The following PTCRA variants were observed in gnomAD, a reference collection of about 807,000 sequenced individuals.
PTCRA encodes the protein pre T-cell antigen receptor alpha.
A neutral mutation model predicts 13.4 loss-of-function variants in PTCRA; 9 were observed. The ratio of observed to expected loss-of-function variants is 0.67; its 90% confidence interval spans 0.41 to 1.18. The LOEUF is 1.18. Ranked by LOEUF, PTCRA falls within the 50% of genes most tolerant of loss-of-function variation. The pLI is 0.01. For missense variants in PTCRA, 353 were observed against 359.8 expected (o/e 0.98, Z 0.15); for synonymous variants, 153 against 161.9 (o/e 0.94, Z 0.42).
At chr6:42,923,372 CG>C (rs770588431) in intron 2 of PTCRA, 25 bp downstream of exon 2, 2 of 1,603,384 alleles carry the variant, frequency 1.2e-6, no homozygotes, top group East Asian at 4.5e-5. Flanking sequence ...TGGGCCCTTG[CG>C]GATGCTCCCT....
intron 1 of PTCRA, among the ~76,000 whole-genome samples, chr6:42,919,288 C>G (rs1467036827): frequency 6.6e-6 from 1 of 152,156 alleles, no homozygotes; most frequent in Non-Finnish European, 1.5e-5. Context: ...GCCACCACGC[C>G]TGGCCTAGGC....
intron 3 of PTCRA, among the ~76,000 whole-genome samples, chr6:42,924,675 A>G (rs1425284290): frequency 1.3e-5 from 2 of 152,090 alleles, no homozygotes; most frequent in Non-Finnish European, 2.9e-5. Flanking sequence ...CTTCCCGACC[A>G]AATAGAGAAT....
intron 2 of PTCRA, among the ~76,000 whole-genome samples, chr6:42,923,933 T>C (rs1025274347): frequency 3.9e-5 from 6 of 152,368 alleles, no homozygotes; most frequent in African/African-American, 9.6e-5. Context: ...GTTTGTTAAC[T>C]AAGTGCCCTG....
chr6:42,922,840 G>A (rs1767251436), intron 1 of PTCRA, among the ~76,000 whole-genome samples, 187 bp from the exon 2 acceptor site: 2 of 152,128 alleles, frequency 1.3e-5, no homozygotes, highest in Admixed American at 1.3e-4. Flanking sequence ...GCAGATGGAG[G>A]GAAGGAAGGG....
chr6:42,923,174 G>A lies in PTCRA; in HGVS notation c.206G>A (p.Ser69Asn), dbSNP rs1767270598. 2 of 1,614,252 alleles carry A rather than the reference G, an allele frequency of 1.2e-6. No individual in the cohort carries two copies. The highest frequency in any genetic ancestry group is 1.6e-4 in the Middle Eastern group (1 of 6,062). ...SPIWFSAGNG[S>N]ALDAFTYGPS... The stretch of plus-strand genomic sequence containing the variant: ...ATCTGGTTCTCAGCCGGCAATGGCA[G>A]TGCACTGGATGCCTTCACCTATGGC... The change falls in exon 2 of 4, where the codon AGT (serine) becomes AAT (asparagine). Residue 69 changes from serine to asparagine, a missense_variant. Coordinates refer to ENST00000304672, the MANE Select transcript of PTCRA (RefSeq NM_138296.3).
intron 2 of PTCRA, 97 bp downstream of exon 2, chr6:42,923,444 T>G: frequency 6.6e-6 from 8 of 1,218,888 alleles, no homozygotes; most frequent in Non-Finnish European, 9.3e-6. Context: ...CACAAAGGCA[T>G]GAAGGGTGTC....
chr6:42,921,733 C>CAA (rs371462556), intron 1 of PTCRA, among the ~76,000 whole-genome samples: 22 of 88,162 alleles, frequency 2.5e-4, no homozygotes, highest in African/African-American at 6.4e-4. Flanking sequence ...CTTTTTTTTT[C>CAA]AAAAAAAAAA....
chr6:42,919,758 T>TTTTGTTACATATTAAATGAGTCATCTTTG (rs1371166351), intron 1 of PTCRA, among the ~76,000 whole-genome samples: 1 of 148,816 alleles, frequency 6.7e-6, no homozygotes, highest in Non-Finnish European at 1.5e-5. Context: ...AAAATAACAT[T>TTTTGTTACATATTAAATGAGTCATCTTTG]CTGGGCCAGG....
chr6:42,923,945 C>G (rs1767307371), intron 2 of PTCRA, among the ~76,000 whole-genome samples: 1 of 152,230 alleles, frequency 6.6e-6, no homozygotes, highest in African/African-American at 2.4e-5. Context: ...AGTGCCCTGA[C>G]TTCCAAAGAA....
rs376897338 is a variant in PTCRA, at chr6:42,925,363, C to A, written c.527C>A (p.Ala176Glu). ...ACCTGCAGCTGCCTGTGCGACCCCGCGGGCCCGCTGCCTTCCCCCGCAACC... is the reference window on the plus strand; with the variant it reads ...ACCTGCAGCTGCCTGTGCGACCCCGAGGGCCCGCTGCCTTCCCCCGCAACC... ...LLTCSCLCDP[A>E]GPLPSPATTT... The change falls in exon 4 of 4, where the codon GCG (alanine) becomes GAG (glutamate). Residue 176 changes from alanine to glutamate, a missense_variant. Physicochemically the swap from Ala to Glu is moderately radical, Grantham distance 107 (BLOSUM62 -1). Coordinates refer to ENST00000304672, the MANE Select transcript of PTCRA (RefSeq NM_138296.3). This position sits in a 1 kb window ranked among gnomAD's most constrained non-coding sequence, Gnocchi z 4.4. 10 of 1,558,218 alleles carry A rather than the reference C, an allele frequency of 6.4e-6. No homozygotes were observed. The highest frequency in any genetic ancestry group is 5.7e-5 in the Admixed American group (3 of 52,458).
At chr6:42,918,555 A>G (rs1393398095) in intron 1 of PTCRA, among the ~76,000 whole-genome samples, 1 of 151,898 alleles carries the variant, frequency 6.6e-6, no homozygotes, top group Non-Finnish European at 1.5e-5. Context: ...ACTCCATCTC[A>G]AAAATAATAA....
intron 1 of PTCRA, among the ~76,000 whole-genome samples, chr6:42,917,559 TTA>T (rs1766937693): frequency 7.1e-6 from 1 of 141,786 alleles, no homozygotes; most frequent in African/African-American, 2.8e-5. Flanking sequence ...ATTATTATTA[TTA>T]TTATTATTAG....
chr6:42,916,752 G>A (rs989716080), intron 1 of PTCRA, among the ~76,000 whole-genome samples: 1 of 152,190 alleles, frequency 6.6e-6, no homozygotes, highest in Non-Finnish European at 1.5e-5. Flanking sequence ...ATGTGCATGT[G>A]TGCATGTACG....
rs774384258 is a variant in PTCRA, at chr6:42,923,018, C to G, written c.59-9C>G. On this transcript the variant is annotated splice_polypyrimidine_tract_variant and intron_variant, in intron 1 of 3. Coordinates refer to ENST00000304672, the MANE Select transcript of PTCRA (RefSeq NM_138296.3). ...GGTCTAGCACCCACAGGTACATGCT[C>G]TCTTGCAGGTGTGGGCGGCACACCC... The G allele has an allele frequency of 1.1e-5, 18 of 1,613,790 alleles. No individual in the cohort carries two copies. The East Asian group carries it at 1.8e-4, about 16-fold the overall frequency.
Position 42,923,232 on chromosome 6 carries a change from C to T in PTCRA, c.264C>T (p.Asn88=). 3 of 1,614,252 alleles carry T rather than the reference C, an allele frequency of 1.9e-6. No individual in the cohort carries two copies. Among genetic ancestry groups the T allele is most frequent in the African/African-American group, 1.3e-5 (1 of 75,070 alleles). ...CAGCAACGGATGGCACCTGGACCAA[C>T]TTGGCCCATCTCTCCCTGCCTTCTG... ...PSPATDGTWT[N]LAHLSLPSEE... Residue 88 remains asparagine, a synonymous_variant, in exon 2 of 4, where the codon AAC becomes AAT. Coordinates refer to ENST00000304672, the MANE Select transcript of PTCRA (RefSeq NM_138296.3).
intron 1 of PTCRA, among the ~76,000 whole-genome samples, chr6:42,921,651 C>G (rs1437442056): frequency 6.9e-6 from 1 of 145,524 alleles, no homozygotes; most frequent in African/African-American, 2.6e-5. Context: ...CTCCTGACCT[C>G]GTGATCTGCC....
At chr6:42,922,984 C>G in intron 1 of PTCRA, 43 bp from the exon 2 acceptor site, 11 of 1,595,268 alleles carry the variant, frequency 6.9e-6, no homozygotes, top group Non-Finnish European at 9.4e-6. Context: ...GCCTGGGAGG[C>G]CAAAAGCTGG....
At chr6:42,916,201 C>G in intron 1 of PTCRA, 74 bp downstream of exon 1, 1 of 1,416,968 alleles carries the variant, frequency 7.1e-7, no homozygotes, top group Non-Finnish European at 1.0e-6. Context: ...CTGGACCTCC[C>G]TGGGTACTGA....
Position 42,924,155 on chromosome 6 carries a change from G to T in PTCRA, c.380-74G>T, listed in dbSNP as rs999464244. On this transcript the variant is annotated intron_variant, in intron 2 of 3. Coordinates refer to ENST00000304672, the MANE Select transcript of PTCRA (RefSeq NM_138296.3). ...ACACCCACCCTGTGCCAGGGCCTGG[G>T]CATAGCACTGGGGATGCCCTCCAGA... 3.8e-6 allele frequency: 5 copies of T among 1,326,434 alleles called. No individual in the cohort carries two copies. The African/African-American group carries it at 4.5e-5, about 12-fold the overall frequency. The allele number at this position is 1,326,434 out of a possible 1,614,324, so 82.2% of individuals were successfully genotyped here.
Sources: allele counts gnomAD v4.1 joint callset (sites outside exome capture counted in the v4.1 genomes callset), GRCh38; gene constraint gnomAD v4.1.1; non-coding constraint Gnocchi (gnomAD v3.1); transcripts MANE v1.5; gene names NCBI Gene and HGNC (gene_info 2026-07-23, HGNC 2026-07-21).